Variants in EVPLL observed in about 807,000 individuals in gnomAD.
EVPLL encodes envoplakin-like protein.
EVPLL carries 39 observed loss-of-function variants against 46.2 expected under a neutral mutation model. The ratio of observed to expected loss-of-function variants is 0.84; its 90% CI spans 0.65 to 1.10. The LOEUF is 1.10. Ranked by LOEUF, EVPLL falls within the 50% of genes least tolerant of loss-of-function variation. EVPLL has a pLI of 0.00. For synonymous variants in EVPLL, 156 were observed against 165.8 expected, an observed-to-expected ratio of 0.94 and a Z score of 0.46; for missense variants, 385 against 412.6, an observed-to-expected ratio of 0.93 and a Z score of 0.58.
chr17:18,386,701 C>T (rs1251614189), intron 9 of EVPLL, among the ~76,000 whole-genome samples: 1 of 152,032 alleles, frequency 6.6e-6, no homozygotes, highest in Non-Finnish European at 1.5e-5. Context: ...TAGAATGTTA[C>T]GGCTTGTGTG....
In EVPLL at chr17:18,381,997, C is replaced by T. The variant is rs1987594872; in HGVS notation, c.346+267C>T. ...ATTCCAGAAAGAAGGAGCAAAGGCA[C>T]CTGCCAGGAGGAAGCCTAGGATTCG... is the stretch of plus-strand genomic sequence containing the variant. On this transcript the variant is annotated intron_variant, in intron 4 of 10. Coordinates refer to ENST00000399134, the MANE Select transcript of EVPLL (RefSeq NM_001145127.2). The surrounding 1 kb of genome is among the most constrained non-coding windows in gnomAD (Gnocchi z 4.2). The T allele has an allele frequency of 2.5e-5, 13 of 523,746 alleles. No homozygotes were observed. Among genetic ancestry groups the T allele is most frequent in the Admixed American group, 1.9e-4 (6 of 30,810 alleles). 32.4% of individuals were successfully genotyped at this position (523,746 alleles called of 1,614,324 possible). A position where few individuals can be genotyped will look rare whatever the true frequency, so the allele number is the denominator to read the frequency against.
In EVPLL at chr17:18,377,812, G is replaced by A. The variant is rs575104299; in HGVS notation, c.-208G>A. On this transcript the variant is annotated 5_prime_UTR_variant, in exon 1 of 11. Transcript: ENST00000399134. The stretch of plus-strand genomic sequence containing the variant: ...AGCTGACCAGCCAGCAAGGACGCCC[G>A]CTGCCTCCCACCTGCCCTCCTGCCC... 9.6e-5 allele frequency: 59 copies of A among 616,358 alleles called. No individual in the cohort carries two copies. Among genetic ancestry groups the A allele is most frequent in the East Asian group, 7.0e-4 (19 of 27,092 alleles). 38.2% of individuals were successfully genotyped at this position (616,358 alleles called of 1,614,324 possible). A position where few individuals can be genotyped will look rare whatever the true frequency, so the allele number is the denominator to read the frequency against.
In EVPLL at chr17:18,383,570, G is replaced by A. The variant is rs749691484; in HGVS notation, c.859G>A (p.Val287Met). The change falls in exon 9 of 11, where the codon GTG (valine) becomes ATG (methionine). Residue 287 changes from valine to methionine, a missense_variant. Physicochemically the swap from Val to Met is conservative, Grantham distance 21. Coordinates refer to ENST00000399134, the MANE Select transcript of EVPLL (RefSeq NM_001145127.2). ...CTGCCAGGAGACCCAGCTCCAGCACGTGGAGGACTACAGCCGGGTGAGCCC... is the reference window on the plus strand; with the variant it reads ...CTGCCAGGAGACCCAGCTCCAGCACATGGAGGACTACAGCCGGGTGAGCCC... ...CICQETQLQH[V>M]EDYSRILCPS... 18 of 1,561,772 alleles carry A rather than the reference G, an allele frequency of 1.2e-5. No homozygotes were observed. The highest frequency in any genetic ancestry group is 1.6e-5 in the Non-Finnish European group (18 of 1,153,664).
chr17:18,379,210 C>T (rs957272952), intron 1 of EVPLL, among the ~76,000 whole-genome samples: 1 of 152,244 alleles, frequency 6.6e-6, no homozygotes, highest in Non-Finnish European at 1.5e-5. Context: ...TTGGGTGGCG[C>T]TCTTCCCACT....
At position 18,381,615 on chromosome 17, in the gene EVPLL, G is replaced by C. The variant is rs1277828256; in HGVS notation, c.231G>C (p.Leu77=). 13 of 1,614,034 alleles carry C rather than the reference G, an allele frequency of 8.1e-6. No individual in the cohort carries two copies. The highest frequency in any genetic ancestry group is 1.1e-5 in the Non-Finnish European group (13 of 1,180,022). Residue 77 remains leucine, a synonymous_variant, in exon 4 of 11, where the codon CTG becomes CTC. Transcript: ENST00000399134. This position sits in a 1 kb window ranked among gnomAD's most constrained non-coding sequence, Gnocchi z 4.2. ...ACCTTCTTGACAGCATCGAGCAGCT[G>C]CACGAGCGGGTGACCCAGGAGTGTG... ...AEETEKDIEQ[L]HERVTQECAE...
intron 6 of EVPLL, 43 bp downstream of exon 6, chr17:18,382,907 C>T: frequency 6.3e-7 from 1 of 1,593,374 alleles, no homozygotes; most frequent in Non-Finnish European, 8.6e-7. Context: ...GCAGGTGGGC[C>T]TGGGTGGCCG....
intron 9 of EVPLL, chr17:18,387,955 A>C (rs1241372810): frequency 9.4e-6 from 1 of 106,862 alleles, no homozygotes; most frequent in Non-Finnish European, 2.1e-5. Flanking sequence ...TCAAGGCTGT[A>C]GTGAGCTGTT....
intron 9 of EVPLL, among the ~76,000 whole-genome samples, chr17:18,386,710 T>C (rs1987774079): frequency 6.6e-6 from 1 of 152,042 alleles, no homozygotes; most frequent in Non-Finnish European, 1.5e-5. Flanking sequence ...ACGGCTTGTG[T>C]GAAAGATACG....
At chr17:18,388,027 CATATATATATATATACATATATAT>C in intron 9 of EVPLL, 168 bp from the exon 10 acceptor site, 1 of 86,984 alleles carries the variant, frequency 1.1e-5, no homozygotes, top group Non-Finnish European at 2.5e-5. Context: ...TCTCTCTCTC[CATATATATATATATACATATATAT>C]GTATATATAT....
At chr17:18,386,851 G>A (rs1334153033) in intron 9 of EVPLL, among the ~76,000 whole-genome samples, 2 of 151,566 alleles carry the variant, frequency 1.3e-5, no homozygotes, top group African/African-American at 2.4e-5. Context: ...CTCAACCCCA[G>A]CTTCAATCAC....
At chr17:18,387,699 C>T (rs1394929811) in intron 9 of EVPLL, among the ~76,000 whole-genome samples, 2 of 152,136 alleles carry the variant, frequency 1.3e-5, no homozygotes, top group South Asian at 2.1e-4. Flanking sequence ...CACTGACCTT[C>T]GTATTTATGC....
chr17:18,384,896 A>G (rs1483637422), intron 9 of EVPLL, among the ~76,000 whole-genome samples: 1 of 152,130 alleles, frequency 6.6e-6, no homozygotes, highest in East Asian at 1.9e-4. Context: ...TCGTCTGCAG[A>G]GGAGGCAGCA....
intron 4 of EVPLL, chr17:18,382,001 C>A (rs547728659): frequency 3.9e-6 from 2 of 515,030 alleles, no homozygotes; most frequent in Admixed American, 3.3e-5. Flanking sequence ...AAGGCACCTG[C>A]CAGGAGGAAG....
In EVPLL at chr17:18,381,218, C is replaced by A; in HGVS notation, c.64-149C>A. The A allele has an allele frequency of 7.5e-7, 1 of 1,335,788 alleles. No individual in the cohort carries two copies. Among genetic ancestry groups the A allele is most frequent in the Non-Finnish European group, 1.0e-6 (1 of 999,424 alleles). 82.7% of individuals were successfully genotyped at this position (1,335,788 alleles called of 1,614,324 possible). ...GTGTCTTTGTCACCTGCCTCATGGA[C>A]GCCCTGGGCCTGACCCTGTGCCTGG... On this transcript the variant is annotated intron_variant, in intron 2 of 10. Coordinates refer to ENST00000399134, the MANE Select transcript of EVPLL (RefSeq NM_001145127.2). This position sits in a 1 kb window ranked among gnomAD's most constrained non-coding sequence, Gnocchi z 4.2.
rs1238665281 is a variant in EVPLL at position 18,382,841 on chromosome 17, C to T, written c.488C>T (p.Pro163Leu). ...GTCAAGGCAGGATGCCGCCACCATCCGGAGCCAATACCGAGACCTACTGGT... is the reference window on the plus strand; with the variant it reads ...GTCAAGGCAGGATGCCGCCACCATCTGGAGCCAATACCGAGACCTACTGGT... ...EPGGAGCRHH[P>L]EPIPRPTEGG... The change falls in exon 6 of 11, where the codon CCG (proline) becomes CTG (leucine). Residue 163 changes from proline (P) to leucine (L), a missense_variant. By Grantham distance (98) the Pro-to-Leu change is moderately conservative. Coordinates refer to ENST00000399134, the MANE Select transcript of EVPLL (RefSeq NM_001145127.2). 6.2e-7 allele frequency: 1 copy of T among 1,613,248 alleles called. No individual in the cohort carries two copies. The highest frequency in any genetic ancestry group is 8.5e-7 in the Non-Finnish European group (1 of 1,179,712).
intron 9 of EVPLL, among the ~76,000 whole-genome samples, chr17:18,384,249 T>C (rs1987696646): frequency 6.6e-6 from 1 of 152,156 alleles, no homozygotes; most frequent in South Asian, 2.1e-4. Context: ...GGAGAATTGC[T>C]TGACCCCAGT....
chr17:18,380,153 G>C (rs1987513085), intron 1 of EVPLL: 2 of 152,280 alleles, frequency 1.3e-5, no homozygotes, highest in African/African-American at 4.8e-5. Flanking sequence ...GGTCTGCTTG[G>C]CCTTGTGACC....
Position 18,381,908 on chromosome 17 carries a change from TGAA to T in EVPLL, c.346+181_346+183del, listed in dbSNP as rs1987591645. On this transcript the variant is annotated intron_variant, in intron 4 of 10. Transcript: ENST00000399134. This position sits in a 1 kb window ranked among gnomAD's most constrained non-coding sequence, Gnocchi z 4.2. Reference sequence around the variant, plus strand: ...AAGACTTCCTGTAGGAGGAGGCACATGAAGAGACCTCAGAGGGGTGAGAGGGCT... The same window carrying T: ...AAGACTTCCTGTAGGAGGAGGCACATGAGACCTCAGAGGGGTGAGAGGGCT... The T allele has an allele frequency of 1.0e-6, 1 of 1,000,704 alleles. No individual in the cohort carries two copies. Among genetic ancestry groups the T allele is most frequent in the African/African-American group, 1.6e-5 (1 of 62,414 alleles). 62.0% of individuals were successfully genotyped at this position (1,000,704 alleles called of 1,614,324 possible). A position where few individuals can be genotyped will look rare whatever the true frequency, so the allele number is the denominator to read the frequency against.
Position 18,383,092 on chromosome 17 carries a change from G to A in EVPLL, c.579G>A (p.Gln193=), listed in dbSNP as rs1194457925. The change falls in exon 7 of 11, where the codon CAG becomes CAA. Residue 193 remains glutamine, a synonymous_variant. Coordinates refer to ENST00000399134, the MANE Select transcript of EVPLL (RefSeq NM_001145127.2). ...PVHALQGCTW[Q]LSALAEQQRR... Reference sequence around the variant, plus strand: ...ACGCACTGCAGGGCTGCACGTGGCAGCTGAGCGCCCTGGCGGAGCAGCAGC... The same window carrying A: ...ACGCACTGCAGGGCTGCACGTGGCAACTGAGCGCCCTGGCGGAGCAGCAGC... 3 of 1,552,092 alleles carry A rather than the reference G, an allele frequency of 1.9e-6. No homozygotes were observed. The highest frequency in any genetic ancestry group is 1.9e-5 in the Admixed American group (1 of 53,050).
Sources: gnomAD v4.1 joint callset for allele counts (sites outside exome capture counted in the v4.1 genomes callset) on GRCh38, gnomAD v4.1.1 for gene constraint, Gnocchi (gnomAD v3.1) non-coding constraint, MANE v1.5 for transcripts, NCBI Gene and HGNC (gene_info 2026-07-23, HGNC 2026-07-21) for gene names.